Variants in NAALADL2 observed in about 807,000 individuals in gnomAD.
NAALADL2 encodes the protein inactive N-acetylated-alpha-linked acidic dipeptidase-like protein 2.
Under a neutral mutation model 87.2 loss-of-function variants are expected in NAALADL2, and 76 were observed. The observed-to-expected ratio is 0.87, with a 90% CI of 0.72 to 1.05. The LOEUF (loss-of-function observed/expected upper bound fraction) is 1.05, where lower values mean the gene tolerates loss of function less well. Among genes scored for constraint, NAALADL2 ranks in the 50% least tolerant of loss-of-function variants. NAALADL2 has a pLI of 0.00. For missense variants in NAALADL2, 1,089 were observed against 945.8 expected (o/e 1.15, Z -1.99); for synonymous variants, 354 against 331.0 (o/e 1.07, Z -0.75).
intron 3 of NAALADL2, among the ~76,000 whole-genome samples, chr3:174,750,400 A>T (rs1021929262): frequency 1.3e-5 from 2 of 151,292 alleles, no homozygotes; most frequent in African/African-American, 4.9e-5. Context: ...TTTCATTTCC[A>T]TTCTTCTTCT....
At chr3:175,374,916 A>ATAAATAAATAAG (rs1186202005) in intron 5 of NAALADL2, among the ~76,000 whole-genome samples, 2 of 148,324 alleles carry the variant, frequency 1.3e-5, no homozygotes, top group African/African-American at 2.5e-5. Flanking sequence ...AAATAAATAA[A>ATAAATAAATAAG]TAAGTCAAGT....
At chr3:175,214,429 T>C (rs979774638) in intron 2 of NAALADL2, among the ~76,000 whole-genome samples, 1 of 152,192 alleles carries the variant, frequency 6.6e-6, no homozygotes, top group African/African-American at 2.4e-5. Context: ...GTTATTTATC[T>C]TGAAAGGCTA....
chr3:175,787,433 G>T (rs898954368), intron 13 of NAALADL2, among the ~76,000 whole-genome samples: 79 of 152,132 alleles, frequency 5.2e-4, no homozygotes, highest in Non-Finnish European at 9.7e-4. Flanking sequence ...TTTTTAAGCC[G>T]GTCCGAAAAG....
At chr3:175,668,496 T>G (rs560625288) in intron 11 of NAALADL2, among the ~76,000 whole-genome samples, 74 of 152,266 alleles carry the variant, frequency 4.9e-4, no homozygotes, top group Non-Finnish European at 8.5e-4. Context: ...CGAATGAGTT[T>G]GGTCTTGTGT....
chr3:175,139,569 C>T (rs1391783038), intron 2 of NAALADL2, among the ~76,000 whole-genome samples: 1 of 151,828 alleles, frequency 6.6e-6, no homozygotes, highest in East Asian at 1.9e-4. Context: ...ATATATCTTC[C>T]CTTAGTATCA....
At chr3:174,832,642 T>G (rs1722862233) in intron 3 of NAALADL2, among the ~76,000 whole-genome samples, 1 of 152,084 alleles carries the variant, frequency 6.6e-6, no homozygotes, top group African/African-American at 2.4e-5. Context: ...TGTTTTTGTA[T>G]TTTTTAGTAG....
chr3:175,094,327 A>G (rs887212137), intron 1 of NAALADL2, among the ~76,000 whole-genome samples: 7 of 152,094 alleles, frequency 4.6e-5, no homozygotes, highest in Admixed American at 4.6e-4. Context: ...GACTGGTGCT[A>G]GGAAATTGTA....
At chr3:175,311,228 T>TC (rs1214222120) in intron 4 of NAALADL2, among the ~76,000 whole-genome samples, 4 of 151,214 alleles carry the variant, frequency 2.6e-5, no homozygotes, top group African/African-American at 9.7e-5. Context: ...AACATGGATT[T>TC]TTTTTTTTTT....
chr3:174,835,783 C>G (rs1723263767), intron 3 of NAALADL2, among the ~76,000 whole-genome samples: 1 of 151,990 alleles, frequency 6.6e-6, no homozygotes, highest in African/African-American at 2.4e-5. Flanking sequence ...TAGGGAAATC[C>G]AAATCAAAAC....
intron 10 of NAALADL2, among the ~76,000 whole-genome samples, chr3:175,608,068 A>C (rs145323764): frequency 6.6e-6 from 1 of 151,800 alleles, no homozygotes; most frequent in East Asian, 2.0e-4. Context: ...CTATCATTTG[A>C]TTCCCATTGC....
At chr3:174,623,099 A>G (rs1578348405) in intron 2 of NAALADL2, among the ~76,000 whole-genome samples, 1 of 152,152 alleles carries the variant, frequency 6.6e-6, no homozygotes, top group East Asian at 1.9e-4. Flanking sequence ...GGCACTTCAT[A>G]TGGGTCCCAT....
At chr3:174,825,524 C>G (rs1297568883) in intron 3 of NAALADL2, among the ~76,000 whole-genome samples, 4 of 152,166 alleles carry the variant, frequency 2.6e-5, no homozygotes, top group African/African-American at 9.7e-5. Context: ...ACTCAGTGTA[C>G]TGATACAAAT....
rs932267654 is a variant in NAALADL2 at position 175,056,140 on chromosome 3, C to A, written c.44-40650C>A. On this transcript the variant is annotated intron_variant, in intron 1 of 13. Coordinates refer to ENST00000454872, the MANE Select transcript of NAALADL2 (RefSeq NM_207015.3). ...CCAGTGTCCTCCGGAAAAGAAAGAT[C>A]TGGAGGGTCCGGCCGCTCTTTTTCT... is the stretch of plus-strand genomic sequence containing the variant. 2.6e-5 allele frequency among the ~76,000 whole-genome samples: 4 copies of A among 152,186 alleles called. No individual in the cohort carries two copies. The East Asian group carries it at 5.8e-4, about 22-fold the overall frequency.
intron 2 of NAALADL2, among the ~76,000 whole-genome samples, chr3:175,106,166 G>T (rs1164542208): frequency 6.6e-6 from 1 of 152,038 alleles, no homozygotes; most frequent in Non-Finnish European, 1.5e-5. Context: ...TACTTTCCTA[G>T]TAAGCAAATG....
chr3:175,340,834 G>C (rs985765386), intron 5 of NAALADL2, among the ~76,000 whole-genome samples: 1 of 152,118 alleles, frequency 6.6e-6, no homozygotes, highest in Non-Finnish European at 1.5e-5. Context: ...AAAACAAAGA[G>C]TCCCTCTATT....
intron 13 of NAALADL2, among the ~76,000 whole-genome samples, chr3:175,770,985 C>T (rs934339163): frequency 2.0e-5 from 3 of 152,126 alleles, no homozygotes; most frequent in African/African-American, 4.8e-5. Context: ...ATAATGCCAT[C>T]TTTTTTCCTG....
chr3:174,960,986 A>G lies in NAALADL2; in HGVS notation c.43+101536A>G, dbSNP rs146973999. Among the ~76,000 whole-genome samples, 46 of 150,970 alleles carry G rather than the reference A, an allele frequency of 3.0e-4. 1 individual carries two copies. Among genetic ancestry groups the G allele is most frequent in the Admixed American group, 2.1e-3 (31 of 15,076 alleles). On this transcript the variant is annotated intron_variant, in intron 1 of 13. Coordinates refer to ENST00000454872, the MANE Select transcript of NAALADL2 (RefSeq NM_207015.3). ...CAGGAGGTTGAAACTGCATTCAGCTATGATCATGCCATTCCACTCCAGAGT... is the reference window on the plus strand; with the variant it reads ...CAGGAGGTTGAAACTGCATTCAGCTGTGATCATGCCATTCCACTCCAGAGT...
At chr3:174,998,575 T>C (rs1419692890) in intron 1 of NAALADL2, among the ~76,000 whole-genome samples, 1 of 152,162 alleles carries the variant, frequency 6.6e-6, no homozygotes, top group Admixed American at 6.5e-5. Flanking sequence ...CCTTGATACA[T>C]TTTACATTAA....
chr3:175,078,706 A>G (rs376926609), intron 1 of NAALADL2, among the ~76,000 whole-genome samples: 1 of 152,136 alleles, frequency 6.6e-6, no homozygotes, highest in African/African-American at 2.4e-5. Flanking sequence ...TTTGTGACTG[A>G]CTTCTTTCAC....
Sources: allele counts gnomAD v4.1 joint callset (sites outside exome capture counted in the v4.1 genomes callset), GRCh38; gene constraint gnomAD v4.1.1; transcripts MANE v1.5; gene names NCBI Gene and HGNC (gene_info 2026-07-23, HGNC 2026-07-21).